PTPRO: variants seen among roughly 807,000 people sequenced by gnomAD.
PTPRO encodes protein tyrosine phosphatase receptor type O, also known as receptor-type tyrosine-protein phosphatase O.
In PTPRO, 62 loss-of-function variants were observed where a neutral mutation model predicts 145.2. The observed-to-expected ratio is 0.43, with a 90% CI of 0.35 to 0.53. PTPRO has a LOEUF of 0.53. Among genes scored for constraint, PTPRO ranks in the 20% least tolerant of loss-of-function variants. The pLI is 0.01. For synonymous variants in PTPRO, 565 were observed against 514.7 expected (o/e 1.10, Z -1.32); for missense variants, 1,345 against 1,482.7 (o/e 0.91, Z 1.53).
chr12:15,516,767 C>T lies in PTPRO; in HGVS notation c.1590C>T (p.Pro530=), dbSNP rs1235257129. 2 of 1,605,384 alleles carry T rather than the reference C, an allele frequency of 1.2e-6. No homozygotes were observed. The highest frequency in any genetic ancestry group is 2.2e-5 in the East Asian group (1 of 44,834). The change falls in exon 9 of 27, where the codon CCC becomes CCT. Residue 530 remains proline (P), a synonymous_variant. Coordinates refer to ENST00000281171, the MANE Select transcript of PTPRO (RefSeq NM_030667.3). The part of the protein sequence containing the change: ...PSDPVTFAIV[P]TGIKDLMLYP... ...CCCCTGCCCTCTTCTTTCTAGTTCC[C>T]ACAGGAATAAAGGATTTAATGCTCT...
At chr12:15,368,741 C>G in intron 1 of PTPRO, among the ~76,000 whole-genome samples, 1 of 152,308 alleles carries the variant, frequency 6.6e-6, no homozygotes, top group East Asian at 1.9e-4. Flanking sequence ...AATATATCTC[C>G]TTAATTGTTA....
chr12:15,324,878 A>G (rs1240237636), intron 1 of PTPRO, among the ~76,000 whole-genome samples: 1 of 152,244 alleles, frequency 6.6e-6, no homozygotes. Flanking sequence ...ATAGTATATT[A>G]CATGGTGCGT....
At chr12:15,542,488 G>A (rs558167498) in intron 12 of PTPRO, among the ~76,000 whole-genome samples, 1 of 152,330 alleles carries the variant, frequency 6.6e-6, no homozygotes, top group African/African-American at 2.4e-5. Flanking sequence ...AGCTGGCCTT[G>A]ACTTCTCATG....
intron 3 of PTPRO, among the ~76,000 whole-genome samples, chr12:15,498,236 A>C (rs1014300589): frequency 1.3e-5 from 2 of 152,198 alleles, no homozygotes; most frequent in Admixed American, 6.5e-5. Context: ...CAATGGATTT[A>C]GTTTTTCTGA....
intron 1 of PTPRO, among the ~76,000 whole-genome samples, chr12:15,342,526 C>T (rs1236639191): frequency 6.6e-6 from 1 of 152,184 alleles, no homozygotes; most frequent in African/African-American, 2.4e-5. Context: ...AAAGTGATTA[C>T]ATATTTATAG....
chr12:15,527,792 G>A (rs1727024474), intron 12 of PTPRO, among the ~76,000 whole-genome samples: 1 of 152,174 alleles, frequency 6.6e-6, no homozygotes, highest in South Asian at 2.1e-4. Flanking sequence ...GGCAGACAAA[G>A]GAAAGTGGAC....
chr12:15,478,161 C>T (rs1028955496), intron 1 of PTPRO, among the ~76,000 whole-genome samples: 2 of 152,136 alleles, frequency 1.3e-5, no homozygotes, highest in Admixed American at 6.5e-5. Context: ...CACATAGGGC[C>T]ATGAACCATT....
intron 2 of PTPRO, among the ~76,000 whole-genome samples, chr12:15,489,271 C>T (rs1242304839): frequency 3.9e-5 from 6 of 151,964 alleles, no homozygotes; most frequent in Admixed American, 3.9e-4. Flanking sequence ...TTGGATCTCA[C>T]GCAAGAAAGA....
intron 1 of PTPRO, among the ~76,000 whole-genome samples, chr12:15,422,171 A>G (rs1376491365): frequency 2.0e-5 from 3 of 152,116 alleles, no homozygotes; most frequent in African/African-American, 7.2e-5. Flanking sequence ...AAGATTTACA[A>G]TTTTTTGACT....
intron 25 of PTPRO, 78 bp from the exon 26 acceptor site, chr12:15,594,858 TC>T: frequency 1.0e-6 from 1 of 991,182 alleles, no homozygotes; most frequent in East Asian, 2.6e-5. Flanking sequence ...CAGATCTTGA[TC>T]ATTAAAATTG....
chr12:15,552,795 CTT>C (rs747379253), intron 15 of PTPRO, among the ~76,000 whole-genome samples: 1 of 91,570 alleles, frequency 1.1e-5, no homozygotes, highest in African/African-American at 4.3e-5. Flanking sequence ...GAGGTCAAAT[CTT>C]TTTTTTTTTT....
intron 1 of PTPRO, among the ~76,000 whole-genome samples, chr12:15,433,171 C>CTTT (rs55746632): frequency 1.9e-5 from 2 of 103,642 alleles, no homozygotes; most frequent in Admixed American, 1.0e-4. Flanking sequence ...CAGTTTGGGG[C>CTTT]TTTTTTTTTT....
chr12:15,474,182 T>C (rs1006951466), intron 1 of PTPRO, among the ~76,000 whole-genome samples: 4 of 152,322 alleles, frequency 2.6e-5, no homozygotes, highest in Non-Finnish European at 4.4e-5. Flanking sequence ...GATGAGGGCA[T>C]TAATGGACAA....
chr12:15,579,932 G>A, intron 20 of PTPRO, 107 bp from the exon 21 acceptor site: 1 of 834,222 alleles, frequency 1.2e-6, no homozygotes, highest in Non-Finnish European at 2.0e-6. Context: ...ATTATTATCT[G>A]CCTACTCTGT....
intron 1 of PTPRO, among the ~76,000 whole-genome samples, chr12:15,449,676 A>G (rs1940997566): frequency 6.6e-6 from 1 of 152,230 alleles, no homozygotes; most frequent in African/African-American, 2.4e-5. Context: ...TATGTATAGC[A>G]AAACCTCATG....
At chr12:15,482,447 C>G (rs1941799474) in intron 1 of PTPRO, among the ~76,000 whole-genome samples, 1 of 152,026 alleles carries the variant, frequency 6.6e-6, no homozygotes, top group Non-Finnish European at 1.5e-5. Flanking sequence ...GGAATACGTT[C>G]TAATGCTCTA....
chr12:15,372,542 A>G (rs1938561537), intron 1 of PTPRO, among the ~76,000 whole-genome samples: 1 of 152,230 alleles, frequency 6.6e-6, no homozygotes, highest in African/African-American at 2.4e-5. Context: ...AACTTCTCTA[A>G]TTAAAACCAC....
intron 25 of PTPRO, among the ~76,000 whole-genome samples, chr12:15,590,363 C>T (rs1489031319): frequency 6.6e-6 from 1 of 152,206 alleles, no homozygotes; most frequent in Non-Finnish European, 1.5e-5. Context: ...AGCCTCATCA[C>T]CCAGCCATAC....
intron 1 of PTPRO, among the ~76,000 whole-genome samples, chr12:15,473,252 TAC>T (rs1201244590): frequency 6.6e-6 from 1 of 152,176 alleles, no homozygotes; most frequent in Non-Finnish European, 1.5e-5. Context: ...TGCCTCTCAC[TAC>T]AGAGTGAGCT....
Sources: allele counts gnomAD v4.1 joint callset (sites outside exome capture counted in the v4.1 genomes callset), GRCh38; gene constraint gnomAD v4.1.1; transcripts MANE v1.5; gene names NCBI Gene and HGNC (gene_info 2026-07-23, HGNC 2026-07-21).